The following FSTL5 variants were observed in gnomAD, a reference collection of about 807,000 sequenced individuals.
FSTL5 encodes follistatin like 5.
FSTL5 carries 62 observed loss-of-function variants against 89.1 expected under a neutral mutation model. The ratio of observed to expected loss-of-function variants is 0.70; its 90% confidence interval spans 0.57 to 0.86. FSTL5 has a LOEUF of 0.86. FSTL5 is among the 40% of genes least tolerant of loss of function. The probability of loss-of-function intolerance (pLI) is 0.00; values close to 1 mark genes in which losing one functional copy is unlikely to be tolerated. For missense variants in FSTL5, 1,057 were observed against 1,001.6 expected (o/e 1.06, Z -0.75); for synonymous variants, 383 against 346.2 (o/e 1.11, Z -1.18).
intron 5 of FSTL5, among the ~76,000 whole-genome samples, chr4:161,760,135 G>T (rs1046251104): frequency 6.6e-6 from 1 of 152,154 alleles, no homozygotes; most frequent in Non-Finnish European, 1.5e-5. Flanking sequence ...TTAATGCACC[G>T]ATTGATGATG....
chr4:161,859,879 G>A (rs573792599), intron 4 of FSTL5, among the ~76,000 whole-genome samples: 109 of 152,250 alleles, frequency 7.2e-4, no homozygotes, highest in African/African-American at 2.0e-3. Flanking sequence ...AGGCTTTGAA[G>A]ATCAGATAAC....
At chr4:161,897,438 T>C (rs1733196283) in intron 4 of FSTL5, among the ~76,000 whole-genome samples, 1 of 151,422 alleles carries the variant, frequency 6.6e-6, no homozygotes, top group Non-Finnish European at 1.5e-5. Flanking sequence ...TCCTAGAATA[T>C]GTTTATAGAA....
In FSTL5 at chr4:161,521,866, A is replaced by AAG. The variant is rs1553994183; in HGVS notation, c.1313-11443_1313-11442insCT. Reference sequence around the variant, plus strand: ...TCCACCTCAAAAAAAAAAAAAAAAGAAAAAAAAAGAAAAAAAGGTTATGAA... The same window carrying AAG: ...TCCACCTCAAAAAAAAAAAAAAAAGAAGAAAAAAAAGAAAAAAAGGTTATGAA... On this transcript the variant is annotated intron_variant, in intron 10 of 15. Coordinates refer to ENST00000306100, the MANE Select transcript of FSTL5 (RefSeq NM_020116.5). Among the ~76,000 whole-genome samples, 93 of 116,428 alleles carry AAG rather than the reference A, an allele frequency of 8.0e-4. 1 individual carries two copies. Among genetic ancestry groups the AAG allele is most frequent in the Non-Finnish European group, 9.4e-4 (52 of 55,592 alleles). The allele number at this position is 116,428 out of a possible 152,430, so 76.4% of individuals were successfully genotyped here.
At chr4:161,430,613 G>A (rs62326362) in intron 15 of FSTL5, among the ~76,000 whole-genome samples, 13,253 of 152,178 alleles carry the variant, frequency 0.087, 646 homozygotes, top group Non-Finnish European at 0.12. Flanking sequence ...GGTAGTGGGC[G>A]CCTGTAGTCC....
intron 1 of FSTL5, among the ~76,000 whole-genome samples, chr4:162,135,005 C>T (rs1165151541): frequency 6.6e-6 from 1 of 152,178 alleles, no homozygotes; most frequent in Admixed American, 6.5e-5. Context: ...AACTTGGAAA[C>T]TACATAAATC....
intron 13 of FSTL5, among the ~76,000 whole-genome samples, chr4:161,463,872 T>G (rs1341292771): frequency 6.6e-6 from 1 of 152,206 alleles, no homozygotes; most frequent in Non-Finnish European, 1.5e-5. Context: ...ACCTTCTAAA[T>G]GATGATCCCT....
At chr4:161,766,718 C>T (rs1167369820) in intron 5 of FSTL5, among the ~76,000 whole-genome samples, 1 of 152,132 alleles carries the variant, frequency 6.6e-6, no homozygotes, top group Non-Finnish European at 1.5e-5. Context: ...TGAATTTAAT[C>T]AGAGGCTAAT....
rs566547633 is a variant in FSTL5 at position 161,724,381 on chromosome 4, G to C, written c.727+35030C>G. On this transcript the variant is annotated intron_variant, in intron 6 of 15. Coordinates refer to ENST00000306100, the MANE Select transcript of FSTL5 (RefSeq NM_020116.5). Reference sequence around the variant, plus strand: ...TACATAGATCAAAAAAACGCATCATGTTCTAGTCAAAATAAATGGAAAAGT... The same window carrying C: ...TACATAGATCAAAAAAACGCATCATCTTCTAGTCAAAATAAATGGAAAAGT... 1.1e-4 allele frequency among the ~76,000 whole-genome samples: 16 copies of C among 152,086 alleles called. 2 individuals are homozygous for C. In the South Asian group the frequency reaches 1.9e-3, roughly 18 times the overall value.
intron 15 of FSTL5, among the ~76,000 whole-genome samples, chr4:161,437,187 C>CTGTGA (rs1003890346): frequency 1.3e-4 from 20 of 152,002 alleles, no homozygotes; most frequent in African/African-American, 4.6e-4. Flanking sequence ...GGTAGAGGCA[C>CTGTGA]TGTGAGCAGT....
At chr4:162,020,599 T>C (rs1239565103) in intron 3 of FSTL5, among the ~76,000 whole-genome samples, 4 of 152,070 alleles carry the variant, frequency 2.6e-5, no homozygotes, top group Admixed American at 2.6e-4. Flanking sequence ...TAATTAGGTA[T>C]CTTGCCTGTA....
intron 1 of FSTL5, among the ~76,000 whole-genome samples, chr4:162,155,719 G>T (rs1462564947): frequency 6.6e-6 from 1 of 152,156 alleles, no homozygotes; most frequent in Non-Finnish European, 1.5e-5. Flanking sequence ...CCTAAACAGG[G>T]ATTCTTGAAA....
Position 161,846,701 on chromosome 4 carries a change from A to G in FSTL5, c.410-70627T>C, listed in dbSNP as rs552977475. Among the ~76,000 whole-genome samples, 11 of 152,260 alleles carry G rather than the reference A, an allele frequency of 7.2e-5. No homozygotes were observed. In the South Asian group the frequency reaches 2.1e-3, roughly 29 times the overall value. On this transcript the variant is annotated intron_variant, in intron 4 of 15. Coordinates refer to ENST00000306100, the MANE Select transcript of FSTL5 (RefSeq NM_020116.5). Reference sequence around the variant, plus strand: ...TGACATTTTACAGATAAGAAAATTGAGGCACTGGGAGTTTATGCATTTATC... The same window carrying G: ...TGACATTTTACAGATAAGAAAATTGGGGCACTGGGAGTTTATGCATTTATC...
At chr4:161,636,461 T>C (rs1163083465) in intron 7 of FSTL5, among the ~76,000 whole-genome samples, 2,650 of 22,082 alleles carry the variant, frequency 0.12, 59 homozygotes, top group African/African-American at 0.25. Context: ...TTTTTTTTTC[T>C]TTTTTTTTTT....
chr4:161,387,556 C>A (rs570108971), intron 15 of FSTL5: 2 of 151,978 alleles, frequency 1.3e-5, no homozygotes, highest in East Asian at 3.9e-4. Flanking sequence ...TAAAAAATGA[C>A]CATTTCTACA....
intron 9 of FSTL5, among the ~76,000 whole-genome samples, chr4:161,539,199 G>A (rs1160834703): frequency 6.6e-6 from 1 of 151,636 alleles, no homozygotes; most frequent in Non-Finnish European, 1.5e-5. Flanking sequence ...TACTGTGTGT[G>A]TGTTTGTGTA....
At chr4:161,913,228 A>G (rs1733747249) in intron 4 of FSTL5, among the ~76,000 whole-genome samples, 1 of 152,198 alleles carries the variant, frequency 6.6e-6, no homozygotes, top group Non-Finnish European at 1.5e-5. Flanking sequence ...GTTAATCTCC[A>G]AGACCATGGG....
chr4:161,583,223 T>A (rs1733495735), intron 8 of FSTL5, among the ~76,000 whole-genome samples: 1 of 151,808 alleles, frequency 6.6e-6, no homozygotes, highest in African/African-American at 2.4e-5. Context: ...TAAATAAAAG[T>A]TCTTTCTCAT....
chr4:161,661,293 A>C (rs932937732), intron 6 of FSTL5, among the ~76,000 whole-genome samples: 1 of 152,120 alleles, frequency 6.6e-6, no homozygotes, highest in Non-Finnish European at 1.5e-5. Context: ...TATTTCATTA[A>C]ATCTGTTTAA....
chr4:161,770,880 G>C (rs370940504), intron 5 of FSTL5, among the ~76,000 whole-genome samples: 8 of 152,082 alleles, frequency 5.3e-5, no homozygotes, highest in African/African-American at 1.9e-4. Context: ...AGTGGTCGCA[G>C]AATGTCAATG....
Sources: allele counts gnomAD v4.1 joint callset (sites outside exome capture counted in the v4.1 genomes callset), GRCh38; gene constraint gnomAD v4.1.1; transcripts MANE v1.5; gene names NCBI Gene and HGNC (gene_info 2026-07-23, HGNC 2026-07-21).